Variants in LGSN observed in about 807,000 individuals in gnomAD.
LGSN encodes the protein lengsin.
In LGSN, 21 loss-of-function variants were observed where a neutral mutation model predicts 19.5. The ratio of observed to expected loss-of-function variants is 1.07; its 90% CI spans 0.76 to 1.55. The LOEUF (loss-of-function observed/expected upper bound fraction) is 1.55, where lower values mean the gene tolerates loss of function less well. Ranked by LOEUF, LGSN falls within the 40% of genes most tolerant of loss-of-function variation. The pLI, the probability that LGSN is intolerant of heterozygous loss-of-function variation, is 0.00. For synonymous variants in LGSN, 257 were observed against 215.6 expected (o/e 1.19, Z -1.68); for missense variants, 673 against 608.5 (o/e 1.11, Z -1.12).
the LGSN span, among the ~76,000 whole-genome samples, chr6:63,347,627 G>T: frequency 1.3e-5 from 2 of 152,050 alleles, no homozygotes; most frequent in African/African-American, 2.4e-5. Flanking sequence ...GGCTAGAGAG[G>T]TCTCTAAGAT....
chr6:63,517,768 C>G, the LGSN span, among the ~76,000 whole-genome samples: 1 of 152,218 alleles, frequency 6.6e-6, no homozygotes, highest in Non-Finnish European at 1.5e-5. Context: ...CAGCCTTCCT[C>G]TGCTTCCAAA....
the LGSN span, among the ~76,000 whole-genome samples, chr6:63,352,173 C>A: frequency 6.6e-6 from 1 of 152,328 alleles, no homozygotes; most frequent in Non-Finnish European, 1.5e-5. Flanking sequence ...AACATCTACA[C>A]AGACTTGTTT....
At chr6:63,400,668 A>C in the LGSN span, among the ~76,000 whole-genome samples, 1 of 152,184 alleles carries the variant, frequency 6.6e-6, no homozygotes, top group Non-Finnish European at 1.5e-5. Context: ...TTGTTCTCCA[A>C]TCATCCAAAA....
chr6:63,533,734 C>T, the LGSN span, among the ~76,000 whole-genome samples: 1 of 151,890 alleles, frequency 6.6e-6, no homozygotes, highest in African/African-American at 2.4e-5. Flanking sequence ...GGCATATAGA[C>T]TAATGAGCAA....
At chr6:63,331,340 T>G in the LGSN span, among the ~76,000 whole-genome samples, 1 of 152,188 alleles carries the variant, frequency 6.6e-6, no homozygotes, top group Non-Finnish European at 1.5e-5. Context: ...AGGATAGTAC[T>G]GTAATTTGTA....
chr6:63,437,467 G>C, the LGSN span, among the ~76,000 whole-genome samples: 1 of 152,088 alleles, frequency 6.6e-6, no homozygotes, highest in African/African-American at 2.4e-5. Flanking sequence ...TCTCGCCCAG[G>C]ATGGGCCACT....
At chr6:63,476,664 A>G in the LGSN span, among the ~76,000 whole-genome samples, 1 of 152,206 alleles carries the variant, frequency 6.6e-6, no homozygotes, top group Non-Finnish European at 1.5e-5. Context: ...AAAACATAGT[A>G]TCTCAAGAGG....
chr6:63,310,340 T>A (rs964723774), intron 1 of LGSN, among the ~76,000 whole-genome samples: 2 of 152,158 alleles, frequency 1.3e-5, no homozygotes, highest in African/African-American at 4.8e-5. Flanking sequence ...GTTTATTAAT[T>A]TTAATTGACA....
chr6:63,416,560 T>C, the LGSN span, among the ~76,000 whole-genome samples: 1 of 152,076 alleles, frequency 6.6e-6, no homozygotes, highest in Admixed American at 6.6e-5. Context: ...ATAAAATACA[T>C]AGTTTTTTTG....
the LGSN span, among the ~76,000 whole-genome samples, chr6:63,568,031 G>A: frequency 6.6e-6 from 1 of 152,266 alleles, no homozygotes; most frequent in Admixed American, 6.5e-5. Context: ...TCTGAATTAG[G>A]CTTTGACTTA....
the LGSN span, among the ~76,000 whole-genome samples, chr6:63,436,973 G>C: frequency 2.0e-5 from 3 of 150,596 alleles, no homozygotes; most frequent in African/African-American, 7.3e-5. Context: ...GGAGGTGTAG[G>C]TTGCAGTGAG....
At chr6:63,482,458 G>T in the LGSN span, among the ~76,000 whole-genome samples, 1 of 152,224 alleles carries the variant, frequency 6.6e-6, no homozygotes, top group Non-Finnish European at 1.5e-5. Flanking sequence ...GCCAGGCACA[G>T]TAGCTCACGC....
At position 63,290,953 on chromosome 6, in the gene LGSN, C is replaced by T. The variant is rs1021388487; in HGVS notation, c.163+3960G>A. The stretch of plus-strand genomic sequence containing the variant: ...CCCTGTGGGTATTTGTATCAACAGC[C>T]GCCTGATGTTCAGAGGTTGTTAGTG... On this transcript the variant is annotated intron_variant, in intron 2 of 3. Transcript: ENST00000370657. Among the ~76,000 whole-genome samples the T allele has an allele frequency of 3.9e-5, 6 of 152,302 alleles. No homozygotes were observed. In the East Asian group the frequency reaches 5.8e-4, roughly 15 times the overall value.
the LGSN span, among the ~76,000 whole-genome samples, chr6:63,540,008 A>G: frequency 1.3e-5 from 2 of 152,204 alleles, no homozygotes; most frequent in African/African-American, 2.4e-5. Flanking sequence ...CTGTTGGTGG[A>G]CACTGATACA....
chr6:63,534,914 G>C, the LGSN span, among the ~76,000 whole-genome samples: 1 of 150,698 alleles, frequency 6.6e-6, no homozygotes, highest in East Asian at 1.9e-4. Flanking sequence ...ACAAAAACTA[G>C]CTGGGTGTGG....
the LGSN span, among the ~76,000 whole-genome samples, chr6:63,554,285 T>C: frequency 1.3e-5 from 2 of 152,216 alleles, no homozygotes; most frequent in Non-Finnish European, 2.9e-5. Flanking sequence ...AACCTCAAAG[T>C]ATATGAAAAG....
the LGSN span, chr6:63,549,437 T>C: frequency 1.3e-6 from 1 of 767,544 alleles, no homozygotes; most frequent in South Asian, 1.4e-5. Context: ...ACCACTTTCT[T>C]AACCTCCTGC....
chr6:63,469,189 G>A, the LGSN span, among the ~76,000 whole-genome samples: 2 of 152,266 alleles, frequency 1.3e-5, no homozygotes, highest in East Asian at 3.9e-4. Context: ...ATGTACATAT[G>A]GGTCCAGAAG....
the LGSN span, among the ~76,000 whole-genome samples, chr6:63,416,710 G>A: frequency 1.3e-5 from 2 of 151,794 alleles, no homozygotes; most frequent in Admixed American, 1.3e-4. Flanking sequence ...TGGGATTACA[G>A]GCATCCACCA....
Sources: allele counts gnomAD v4.1 joint callset (sites outside exome capture counted in the v4.1 genomes callset), GRCh38; gene constraint gnomAD v4.1.1; transcripts MANE v1.5; gene names NCBI Gene and HGNC (gene_info 2026-07-23, HGNC 2026-07-21).